Variants in PPP2R2B observed in about 807,000 individuals in gnomAD.
PPP2R2B encodes the protein serine/threonine-protein phosphatase 2A 55 kDa regulatory subunit B beta isoform.
In PPP2R2B, 5 loss-of-function variants were observed where a neutral mutation model predicts 46.0. The observed-to-expected ratio is 0.11, with a 90% confidence interval of 0.06 to 0.23. The LOEUF (loss-of-function observed/expected upper bound fraction) is 0.23. Among genes scored for constraint, PPP2R2B ranks in the 10% least tolerant of loss-of-function variants. The pLI is 1.00. For missense variants in PPP2R2B, 367 were observed against 575.0 expected, an observed-to-expected ratio of 0.64 and a Z score of 3.70; for synonymous variants, 215 against 206.7, an observed-to-expected ratio of 1.04 and a Z score of -0.34.
chr5:146,705,000 G>T (rs1457481613), intron 2 of PPP2R2B, among the ~76,000 whole-genome samples: 2 of 152,012 alleles, frequency 1.3e-5, no homozygotes, highest in Admixed American at 1.3e-4. Context: ...CACATAGGAG[G>T]GTGACTGTTT....
chr5:147,075,257 G>T (rs1048581401), intron 2 of PPP2R2B, among the ~76,000 whole-genome samples: 9 of 152,074 alleles, frequency 5.9e-5, no homozygotes, highest in African/African-American at 2.2e-4. Context: ...TACAAGCATT[G>T]CACACGGTAA....
Position 146,640,345 on chromosome 5 carries a change from C to T in PPP2R2B, c.626-1930G>A, listed in dbSNP as rs3855898. ...AGTCTCCTGGATTCACAAAATACTA[C>T]CCTTCAACTCAACTTCTGCCAGAGT... On this transcript the variant is annotated intron_variant, in intron 6 of 9. Coordinates refer to ENST00000394411, the MANE Select transcript of PPP2R2B (RefSeq NM_181675.4). 2.6e-3 allele frequency among the ~76,000 whole-genome samples: 389 copies of T among 152,332 alleles called. 10 individuals carry two copies. Among genetic ancestry groups the T allele is most frequent in the Admixed American group, 0.023 (354 of 15,302 alleles).
chr5:146,916,529 A>G (rs574231190), intron 1 of PPP2R2B, among the ~76,000 whole-genome samples: 2 of 152,286 alleles, frequency 1.3e-5, no homozygotes, highest in African/African-American at 4.8e-5. Context: ...GAAATAAATG[A>G]ATGAATGCAT....
intron 2 of PPP2R2B, among the ~76,000 whole-genome samples, chr5:146,850,147 A>G (rs1760256580): frequency 6.6e-6 from 1 of 152,172 alleles, no homozygotes; most frequent in African/African-American, 2.4e-5. Flanking sequence ...AGAGGTCTAT[A>G]TTATACCATG....
intron 1 of PPP2R2B, among the ~76,000 whole-genome samples, chr5:146,995,411 A>G (rs1169844356): frequency 6.6e-6 from 1 of 152,190 alleles, no homozygotes; most frequent in Non-Finnish European, 1.5e-5. Flanking sequence ...GGAAGTGTGT[A>G]TTGTAATTGG....
chr5:146,932,709 G>A (rs1764007758), intron 1 of PPP2R2B, among the ~76,000 whole-genome samples: 1 of 152,150 alleles, frequency 6.6e-6, no homozygotes, highest in African/African-American at 2.4e-5. Context: ...ATTCCATGAA[G>A]AGACTGAAGA....
At chr5:146,928,004 T>A (rs1763838904) in intron 1 of PPP2R2B, among the ~76,000 whole-genome samples, 1 of 152,124 alleles carries the variant, frequency 6.6e-6, no homozygotes, top group South Asian at 2.1e-4. Flanking sequence ...CCTCCCAAAG[T>A]GCTGGGATTA....
chr5:146,749,510 T>C (rs1753405528), intron 2 of PPP2R2B, among the ~76,000 whole-genome samples: 1 of 152,136 alleles, frequency 6.6e-6, no homozygotes, highest in Non-Finnish European at 1.5e-5. Flanking sequence ...GCATGTAGCA[T>C]AAGAACTCTT....
At chr5:146,841,644 G>A (rs1232245619) in intron 2 of PPP2R2B, among the ~76,000 whole-genome samples, 3 of 152,142 alleles carry the variant, frequency 2.0e-5, no homozygotes, top group Non-Finnish European at 4.4e-5. Flanking sequence ...GGACATAGAT[G>A]AAGCTGGAAA....
upstream of PPP2R2B, among the ~76,000 whole-genome samples, chr5:147,057,929 G>C (rs1463392939): frequency 6.6e-6 from 1 of 152,144 alleles, no homozygotes; most frequent in Non-Finnish European, 1.5e-5. Context: ...CATATAAAGG[G>C]CTTAGCTCAG....
At chr5:146,795,509 G>A (rs181056724) in intron 2 of PPP2R2B, among the ~76,000 whole-genome samples, 1 of 152,098 alleles carries the variant, frequency 6.6e-6, no homozygotes, top group African/African-American at 2.4e-5. Context: ...AGAGTAGAAG[G>A]GTGATTACCA....
intron 8 of PPP2R2B, among the ~76,000 whole-genome samples, chr5:146,600,036 G>A (rs2151016245): frequency 6.6e-6 from 1 of 152,286 alleles, no homozygotes; most frequent in Non-Finnish European, 1.5e-5. Flanking sequence ...CATGAGAGCA[G>A]GACCATTTGT....
At chr5:146,649,850 G>A (rs1400312557) in intron 6 of PPP2R2B, among the ~76,000 whole-genome samples, 2 of 152,102 alleles carry the variant, frequency 1.3e-5, no homozygotes, top group Non-Finnish European at 2.9e-5. Flanking sequence ...AATATAAAGA[G>A]GCATGATGGG....
chr5:146,951,883 G>C (rs1451909838), intron 1 of PPP2R2B, among the ~76,000 whole-genome samples: 1 of 151,836 alleles, frequency 6.6e-6, no homozygotes, highest in East Asian at 1.9e-4. Flanking sequence ...CCCAGTAATG[G>C]GATTGCTGGG....
chr5:146,930,748 A>C (rs1428147395), intron 1 of PPP2R2B, among the ~76,000 whole-genome samples: 1 of 152,172 alleles, frequency 6.6e-6, no homozygotes, highest in Non-Finnish European at 1.5e-5. Flanking sequence ...TTGAACCCTG[A>C]TGCTCTCATT....
chr5:146,799,652 A>C (rs1222450598), intron 2 of PPP2R2B, among the ~76,000 whole-genome samples: 1 of 152,242 alleles, frequency 6.6e-6, no homozygotes, highest in African/African-American at 2.4e-5. Context: ...TGAATCACAG[A>C]TAGAGGAGAT....
At chr5:146,685,022 A>G (rs1778404399) in intron 5 of PPP2R2B, among the ~76,000 whole-genome samples, 1 of 152,176 alleles carries the variant, frequency 6.6e-6, no homozygotes. Context: ...CCCCCTAAGG[A>G]CAGAGAGTGT....
intron 2 of PPP2R2B, among the ~76,000 whole-genome samples, chr5:146,795,426 A>T (rs1351809576): frequency 6.6e-6 from 1 of 152,286 alleles, no homozygotes; most frequent in Admixed American, 6.5e-5. Flanking sequence ...AATGAAATGA[A>T]CCACACACAG....
At chr5:147,040,759 C>T in intron 1 of PPP2R2B, 1 of 451,226 alleles carries the variant, frequency 2.2e-6, no homozygotes. Context: ...GTCTTTTCAG[C>T]TCATTCTGTG....
Sources: gnomAD v4.1 joint callset for allele counts (sites outside exome capture counted in the v4.1 genomes callset) on GRCh38, gnomAD v4.1.1 for gene constraint, MANE v1.5 for transcripts, NCBI Gene and HGNC (gene_info 2026-07-23, HGNC 2026-07-21) for gene names.